SLC35F1: variants seen among roughly 807,000 people sequenced by gnomAD.
SLC35F1 encodes the protein solute carrier family 35 member F1, also known as chromosome 6 open reading frame 169.
SLC35F1 carries 14 observed loss-of-function variants against 48.7 expected under a neutral mutation model. The observed-to-expected ratio is 0.29, with a 90% CI of 0.19 to 0.45. The LOEUF is 0.45. Among genes scored for constraint, SLC35F1 ranks in the 20% least tolerant of loss-of-function variants. The probability of loss-of-function intolerance (pLI) is 1.00; values close to 1 mark genes in which losing one functional copy is unlikely to be tolerated. For synonymous variants in SLC35F1, 190 were observed against 202.2 expected (o/e 0.94, Z 0.51); for missense variants, 404 against 500.0 (o/e 0.81, Z 1.83).
chr6:118,068,866 T>C (rs1307669792), intron 1 of SLC35F1, among the ~76,000 whole-genome samples: 3 of 152,168 alleles, frequency 2.0e-5, no homozygotes, highest in East Asian at 1.9e-4. Context: ...TACCACTAAA[T>C]AGAAAACAAA....
intron 1 of SLC35F1, among the ~76,000 whole-genome samples, chr6:118,130,778 G>C (rs1416640239): frequency 6.6e-6 from 1 of 151,616 alleles, no homozygotes; most frequent in Non-Finnish European, 1.5e-5. Context: ...TTTTTATACT[G>C]TCCTACAGTA....
At chr6:118,070,646 G>T (rs1024874769) in intron 1 of SLC35F1, among the ~76,000 whole-genome samples, 1 of 151,414 alleles carries the variant, frequency 6.6e-6, no homozygotes, top group Non-Finnish European at 1.5e-5. Flanking sequence ...GTTTCTTCTT[G>T]TAGTTACCAG....
intron 2 of SLC35F1, among the ~76,000 whole-genome samples, chr6:118,213,720 T>C (rs962156577): frequency 2.6e-5 from 4 of 152,138 alleles, no homozygotes; most frequent in African/African-American, 9.7e-5. Context: ...TATATATAGA[T>C]CAACTAGAGT....
chr6:118,033,613 G>GTTT (rs11350721), intron 1 of SLC35F1, among the ~76,000 whole-genome samples: 1 of 145,072 alleles, frequency 6.9e-6, no homozygotes, highest in African/African-American at 2.5e-5. Context: ...ATTCACACTA[G>GTTT]TTTTTTTTTT....
chr6:118,007,742 G>T (rs558150065), intron 1 of SLC35F1, among the ~76,000 whole-genome samples: 11 of 152,056 alleles, frequency 7.2e-5, no homozygotes, highest in Non-Finnish European at 1.3e-4. Flanking sequence ...TCCAGGTATG[G>T]GCTAATTGGG....
chr6:118,079,350 C>A (rs1772871632), intron 1 of SLC35F1, among the ~76,000 whole-genome samples: 1 of 152,154 alleles, frequency 6.6e-6, no homozygotes, highest in Non-Finnish European at 1.5e-5. Context: ...GTATCAATTT[C>A]ATTCCTTTTT....
chr6:117,915,879 G>A (rs138984282), intron 1 of SLC35F1, among the ~76,000 whole-genome samples: 1 of 152,308 alleles, frequency 6.6e-6, no homozygotes, highest in East Asian at 1.9e-4. Flanking sequence ...CAGCCAGGAC[G>A]GAGAGGGAAG....
intron 1 of SLC35F1, among the ~76,000 whole-genome samples, chr6:118,036,279 C>T (rs1429223817): frequency 2.0e-5 from 3 of 152,022 alleles, no homozygotes; most frequent in African/African-American, 7.2e-5. Flanking sequence ...GATTTTAGTC[C>T]ATACATTACT....
intron 1 of SLC35F1, among the ~76,000 whole-genome samples, chr6:117,949,174 A>G (rs1312909531): frequency 6.6e-6 from 1 of 152,126 alleles, no homozygotes; most frequent in Non-Finnish European, 1.5e-5. Context: ...AAAGTCTTAT[A>G]CTCTGGGATG....
At chr6:117,929,839 G>A (rs994926729) in intron 1 of SLC35F1, among the ~76,000 whole-genome samples, 5 of 152,134 alleles carry the variant, frequency 3.3e-5, no homozygotes, top group Non-Finnish European at 7.3e-5. Context: ...TAGCCAAGCT[G>A]ACACATAAAA....
intron 2 of SLC35F1, among the ~76,000 whole-genome samples, chr6:118,163,715 A>G (rs1429415316): frequency 6.6e-6 from 1 of 152,214 alleles, no homozygotes; most frequent in African/African-American, 2.4e-5. Context: ...CAAGATGATA[A>G]CTGTATTGCC....
chr6:117,986,523 T>G (rs1776849897), intron 1 of SLC35F1, among the ~76,000 whole-genome samples: 1 of 152,182 alleles, frequency 6.6e-6, no homozygotes, highest in Non-Finnish European at 1.5e-5. Flanking sequence ...CCCTGGAAGT[T>G]GGATGTTTGA....
Position 118,249,993 on chromosome 6 carries a change from A to G in SLC35F1, c.477+14357A>G, listed in dbSNP as rs566083236. Among the ~76,000 whole-genome samples, 7 of 152,336 alleles carry G rather than the reference A, an allele frequency of 4.6e-5. No individual in the cohort carries two copies. In the South Asian group the frequency reaches 1.5e-3, roughly 32 times the overall value. ...ATCTCAATAAGTAGATTTATACAGT[A>G]CAGCTAACTCGATGACAGTGGAGCT... On this transcript the variant is annotated intron_variant, in intron 3 of 7. Coordinates refer to ENST00000360388, the MANE Select transcript of SLC35F1 (RefSeq NM_001029858.4).
chr6:118,297,661 T>TAA (rs1264728354), intron 7 of SLC35F1, among the ~76,000 whole-genome samples: 4 of 130,968 alleles, frequency 3.1e-5, no homozygotes, highest in South Asian at 4.7e-4. Context: ...ATAATATATA[T>TAA]AATATTATAT....
chr6:117,910,637 G>A (rs1775749927), intron 1 of SLC35F1, among the ~76,000 whole-genome samples: 1 of 152,196 alleles, frequency 6.6e-6, no homozygotes, highest in Non-Finnish European at 1.5e-5. Flanking sequence ...TTCTATTGCT[G>A]TGGGCTGGTA....
At chr6:118,078,216 G>T (rs1051404833) in intron 1 of SLC35F1, among the ~76,000 whole-genome samples, 9 of 152,114 alleles carry the variant, frequency 5.9e-5, no homozygotes, top group Admixed American at 5.9e-4. Context: ...AATAACGTAA[G>T]GCAAAAAGTA....
chr6:117,954,402 C>A (rs1776401133), intron 1 of SLC35F1, among the ~76,000 whole-genome samples: 1 of 151,986 alleles, frequency 6.6e-6, no homozygotes, highest in Non-Finnish European at 1.5e-5. Context: ...ATTACAGGCA[C>A]CCGCCACCAT....
chr6:117,913,888 TA>T (rs1775793149), intron 1 of SLC35F1, among the ~76,000 whole-genome samples: 1 of 151,964 alleles, frequency 6.6e-6, no homozygotes, highest in African/African-American at 2.4e-5. Context: ...CCATCTCTAC[TA>T]AAAATACAAA....
intron 1 of SLC35F1, among the ~76,000 whole-genome samples, chr6:118,147,633 C>T (rs887939823): frequency 2.6e-5 from 4 of 152,148 alleles, no homozygotes; most frequent in Non-Finnish European, 5.9e-5. Flanking sequence ...GAGCCAGGGG[C>T]TTCCAGCTCC....
Sources: allele counts gnomAD v4.1 joint callset (sites outside exome capture counted in the v4.1 genomes callset), GRCh38; gene constraint gnomAD v4.1.1; transcripts MANE v1.5; gene names NCBI Gene and HGNC (gene_info 2026-07-23, HGNC 2026-07-21).